TRHDE: variants seen among roughly 807,000 people sequenced by gnomAD.
The protein encoded by TRHDE is thyrotropin releasing hormone degrading enzyme, also known as thyrotropin-releasing hormone-degrading ectoenzyme.
TRHDE carries 72 observed loss-of-function variants against 125.7 expected under a neutral mutation model. The ratio of observed to expected loss-of-function variants is 0.57; its 90% CI spans 0.47 to 0.70. The LOEUF is 0.70. Among genes scored for constraint, TRHDE ranks in the 30% least tolerant of loss-of-function variants. The probability of loss-of-function intolerance (pLI) is 0.00; values close to 1 mark genes in which losing one functional copy is unlikely to be tolerated. For synonymous variants in TRHDE, 509 were observed against 509.1 expected (o/e 1.00, Z 0.00); for missense variants, 1,110 against 1,327.1 (o/e 0.84, Z 2.54).
intron 1 of TRHDE, among the ~76,000 whole-genome samples, chr12:72,090,648 T>C (rs1229375907): frequency 2.0e-5 from 3 of 152,140 alleles, no homozygotes; most frequent in Admixed American, 6.6e-5. Flanking sequence ...GGGAGTTTTA[T>C]GGTAGACCCA....
At chr12:72,234,635 A>T (rs1878306875) in intron 2 of TRHDE, among the ~76,000 whole-genome samples, 1 of 152,180 alleles carries the variant, frequency 6.6e-6, no homozygotes, top group African/African-American at 2.4e-5. Context: ...TATAATGATA[A>T]ATCAGAACAA....
chr12:72,636,784 C>G (rs1873775756), intron 15 of TRHDE, among the ~76,000 whole-genome samples: 1 of 152,156 alleles, frequency 6.6e-6, no homozygotes, highest in Admixed American at 6.5e-5. Flanking sequence ...GTCTTTGGTT[C>G]TATTTATATG....
At chr12:72,130,849 A>T (rs79980196) in intron 2 of TRHDE, among the ~76,000 whole-genome samples, 1 of 152,074 alleles carries the variant, frequency 6.6e-6, no homozygotes, top group Non-Finnish European at 1.5e-5. Flanking sequence ...AAATGGAAAA[A>T]CTAGATATTA....
At chr12:72,190,551 A>T (rs926906509) in intron 2 of TRHDE, among the ~76,000 whole-genome samples, 5 of 152,210 alleles carry the variant, frequency 3.3e-5, no homozygotes, top group Admixed American at 2.0e-4. Context: ...CAATGGTTGG[A>T]AGATTGGTGG....
intron 5 of TRHDE, among the ~76,000 whole-genome samples, chr12:72,491,789 T>G (rs1190230061): frequency 2.0e-5 from 3 of 152,028 alleles, no homozygotes; most frequent in Non-Finnish European, 4.4e-5. Flanking sequence ...TTAAGGCATC[T>G]TAGAGATTTT....
intron 2 of TRHDE, among the ~76,000 whole-genome samples, chr12:72,180,062 G>A (rs1877065234): frequency 6.6e-6 from 1 of 151,570 alleles, no homozygotes; most frequent in Non-Finnish European, 1.5e-5. Flanking sequence ...CTATTAATTA[G>A]GTAGTATTAA....
At chr12:72,657,774 G>A (rs1874763782) in intron 18 of TRHDE, among the ~76,000 whole-genome samples, 2 of 152,122 alleles carry the variant, frequency 1.3e-5, no homozygotes, top group Admixed American at 6.6e-5. Context: ...GGTTAAGGAT[G>A]AAGGAAAAAT....
chr12:72,528,411 T>C (rs10748197), intron 6 of TRHDE, among the ~76,000 whole-genome samples: 60,880 of 152,116 alleles, frequency 0.4, 14,680 homozygotes, highest in African/African-American at 0.67. Flanking sequence ...AAAACACAAA[T>C]GATGTTGTCT....
At chr12:72,132,317 T>C (rs1875883847) in intron 2 of TRHDE, among the ~76,000 whole-genome samples, 1 of 152,146 alleles carries the variant, frequency 6.6e-6, no homozygotes, top group African/African-American at 2.4e-5. Flanking sequence ...AAAAGAGTTT[T>C]GAAGGCTGAA....
At chr12:72,323,828 G>GAT (rs1555176385) in intron 2 of TRHDE, among the ~76,000 whole-genome samples, 2 of 151,318 alleles carry the variant, frequency 1.3e-5, no homozygotes, top group South Asian at 2.1e-4. Context: ...TATGGAGCGA[G>GAT]AGAGAAAGAG....
intron 2 of TRHDE, among the ~76,000 whole-genome samples, chr12:72,120,786 C>T (rs1428525712): frequency 2.7e-5 from 4 of 149,088 alleles, no homozygotes; most frequent in Admixed American, 6.8e-5. Context: ...TCAAGTAATT[C>T]CCCTGCCTCA....
At chr12:72,128,031 G>A (rs142102875) in intron 2 of TRHDE, among the ~76,000 whole-genome samples, 219 of 152,110 alleles carry the variant, frequency 1.4e-3, no homozygotes, top group African/African-American at 5.0e-3. Flanking sequence ...ACAGAACCCT[G>A]GAAATGTGCA....
At chr12:72,652,220 C>A (rs1874533627) in intron 15 of TRHDE, 102 bp from the exon 16 acceptor site, 2 of 756,442 alleles carry the variant, frequency 2.6e-6, no homozygotes, top group South Asian at 5.1e-5. Flanking sequence ...GCAAAATAAT[C>A]TTTTAAAAAA....
chr12:72,660,678 T>A (rs190300025), intron 18 of TRHDE, among the ~76,000 whole-genome samples: 2 of 152,304 alleles, frequency 1.3e-5, no homozygotes, highest in East Asian at 3.9e-4. Context: ...GATTGATAAT[T>A]GTCCATGATC....
intron 2 of TRHDE, among the ~76,000 whole-genome samples, chr12:72,318,590 G>A (rs761608464): frequency 6.6e-6 from 1 of 152,126 alleles, no homozygotes; most frequent in Admixed American, 6.5e-5. Context: ...CTGTGAGTGT[G>A]AGGCTAACTC....
At chr12:72,493,172 A>C (rs761712813) in intron 5 of TRHDE, among the ~76,000 whole-genome samples, 1 of 151,942 alleles carries the variant, frequency 6.6e-6, no homozygotes, top group Non-Finnish European at 1.5e-5. Context: ...GGATTAAAAA[A>C]CTTCCTTTAT....
intron 18 of TRHDE, among the ~76,000 whole-genome samples, chr12:72,661,653 TC>T (rs1384494365): frequency 6.6e-6 from 1 of 152,076 alleles, no homozygotes; most frequent in African/African-American, 2.4e-5. Context: ...TCCATTAGAC[TC>T]CCCCTTTATA....
In TRHDE at chr12:72,600,125, A is replaced by G. The variant is rs558164632; in HGVS notation, c.2322-18766A>G. Among the ~76,000 whole-genome samples the G allele has an allele frequency of 1.6e-4, 25 of 152,068 alleles. No individual in the cohort carries two copies. In the South Asian group the frequency reaches 5.0e-3, roughly 30 times the overall value. On this transcript the variant is annotated intron_variant, in intron 12 of 18. Coordinates refer to ENST00000261180, the MANE Select transcript of TRHDE (RefSeq NM_013381.3). ...GTGTATCTGTTTTTGTACCATTACC[A>G]TGGTGTTTTGGCTTACTTACTTAGA...
intron 15 of TRHDE, among the ~76,000 whole-genome samples, chr12:72,643,213 C>G (rs950260088): frequency 2.0e-5 from 3 of 152,172 alleles, no homozygotes; most frequent in African/African-American, 7.2e-5. Flanking sequence ...TACCTATTAG[C>G]AACTGCTAAT....
Sources: gnomAD v4.1 joint callset for allele counts (sites outside exome capture counted in the v4.1 genomes callset) on GRCh38, gnomAD v4.1.1 for gene constraint, MANE v1.5 for transcripts, NCBI Gene and HGNC (gene_info 2026-07-23, HGNC 2026-07-21) for gene names.